TLK1: variants seen among roughly 807,000 people sequenced by gnomAD.
TLK1 encodes serine/threonine-protein kinase tousled-like 1.
A neutral mutation model predicts 105.3 loss-of-function variants in TLK1; 24 were observed. The ratio of observed to expected loss-of-function variants is 0.23; its 90% CI spans 0.17 to 0.32. The LOEUF (loss-of-function observed/expected upper bound fraction) is 0.32. Ranked by LOEUF, TLK1 falls within the 10% of genes least tolerant of loss-of-function variation. TLK1 has a pLI of 1.00. For missense variants in TLK1, 558 were observed against 910.5 expected (o/e 0.61, Z 4.98); for synonymous variants, 321 against 310.4 (o/e 1.03, Z -0.36).
intron 11 of TLK1, among the ~76,000 whole-genome samples, chr2:171,040,575 T>G (rs981448039): frequency 4.7e-5 from 7 of 147,430 alleles, no homozygotes; most frequent in African/African-American, 1.5e-4. Context: ...TTTGTTTTTT[T>G]TTTTTTTTTT....
At chr2:171,039,352 GCCTCCCAGGCTCAAGCGAT>G (rs1313965087) in intron 11 of TLK1, among the ~76,000 whole-genome samples, 1 of 152,110 alleles carries the variant, frequency 6.6e-6, no homozygotes, top group Admixed American at 6.6e-5. Flanking sequence ...TGCAGCCTTG[GCCTCCCAGGCTCAAGCGAT>G]CCTCCCACCT....
chr2:171,131,064 T>A (rs1238814374), intron 1 of TLK1, among the ~76,000 whole-genome samples: 4 of 152,026 alleles, frequency 2.6e-5, no homozygotes, highest in Non-Finnish European at 4.4e-5. Context: ...TACCTATATA[T>A]CTTTGTATCT....
chr2:171,022,088 C>CACACACACACACAGACACACACAG (rs35020865), intron 12 of TLK1, among the ~76,000 whole-genome samples: 20 of 139,200 alleles, frequency 1.4e-4, no homozygotes, highest in Non-Finnish European at 3.1e-4. Flanking sequence ...GGGCGAAAAA[C>CACACACACACACAGACACACACAG]ACACACACAC....
intron 1 of TLK1, among the ~76,000 whole-genome samples, chr2:171,176,806 C>A (rs908957163): frequency 1.3e-5 from 2 of 152,050 alleles, no homozygotes; most frequent in African/African-American, 2.4e-5. Context: ...CTTGCTCACT[C>A]TCTGCTTCAC....
intron 11 of TLK1, chr2:171,045,868 G>T: frequency 4.1e-6 from 1 of 241,994 alleles, no homozygotes. Context: ...GAATGGAAAC[G>T]TTGAATTAGA....
intron 1 of TLK1, among the ~76,000 whole-genome samples, chr2:171,135,672 G>C (rs1691288124): frequency 1.3e-5 from 2 of 151,844 alleles, no homozygotes; most frequent in Admixed American, 1.3e-4. Context: ...AGTGGTGGTG[G>C]GCACCTGTAA....
chr2:171,174,017 A>C (rs1692776438), intron 1 of TLK1, among the ~76,000 whole-genome samples: 1 of 152,130 alleles, frequency 6.6e-6, no homozygotes, highest in Admixed American at 6.6e-5. Context: ...TCATCTGTCC[A>C]TCCATCCGTC....
chr2:171,049,780 T>C (rs909004178), intron 10 of TLK1, 34 bp downstream of exon 10: 7 of 1,609,854 alleles, frequency 4.3e-6, no homozygotes, highest in Non-Finnish European at 5.9e-6. Context: ...CCCAAACGAA[T>C]ACTAAAAACT....
chr2:171,121,989 C>G (rs1382276366), intron 1 of TLK1, among the ~76,000 whole-genome samples: 1 of 152,190 alleles, frequency 6.6e-6, no homozygotes, highest in Admixed American at 6.5e-5. Flanking sequence ...ACTCTGTCAC[C>G]AGGCTGGAGT....
upstream of TLK1, among the ~76,000 whole-genome samples, chr2:171,161,075 G>C (rs1447934805): frequency 6.7e-6 from 1 of 148,334 alleles, no homozygotes; most frequent in African/African-American, 2.4e-5. Flanking sequence ...GCGCGCGAGG[G>C]AAGAGACTAG....
intron 8 of TLK1, among the ~76,000 whole-genome samples, chr2:171,050,643 G>T (rs1687193568): frequency 6.6e-6 from 1 of 152,078 alleles, no homozygotes; most frequent in Non-Finnish European, 1.5e-5. Context: ...TTTCTCCACT[G>T]AACTTATAAA....
chr2:171,167,804 C>T (rs533424367), intron 1 of TLK1, among the ~76,000 whole-genome samples: 4 of 152,076 alleles, frequency 2.6e-5, no homozygotes, highest in Admixed American at 2.0e-4. Flanking sequence ...ATCCCCTCCC[C>T]CAAAGTGCAC....
At position 171,117,861 on chromosome 2, in the gene TLK1, T is replaced by C. The variant is rs756065172; in HGVS notation, c.140-4A>G. The stretch of plus-strand genomic sequence containing the variant: ...CTATGAAGCTCATCCATTGCACCTA[T>C]TAAGAAAAAAAAATATATATGTACA... On this transcript the variant is annotated splice_region_variant and splice_polypyrimidine_tract_variant and intron_variant, in intron 1 of 20. Transcript: ENST00000431350. 3.1e-6 allele frequency: 5 copies of C among 1,594,266 alleles called. No homozygotes were observed. The highest frequency in any genetic ancestry group is 1.4e-5 in the African/African-American group (1 of 73,490).
chr2:171,084,415 T>C (rs1043219677), intron 2 of TLK1, among the ~76,000 whole-genome samples: 11 of 152,056 alleles, frequency 7.2e-5, no homozygotes, highest in African/African-American at 2.7e-4. Context: ...ACTATATAGG[T>C]ACAATTACAA....
intron 3 of TLK1, among the ~76,000 whole-genome samples, chr2:171,066,017 A>G (rs1303680946): frequency 6.6e-6 from 1 of 152,218 alleles, no homozygotes; most frequent in African/African-American, 2.4e-5. Context: ...GCTGCTTTGT[A>G]TCCTATTTAC....
chr2:171,089,279 G>C (rs141645690), intron 2 of TLK1, among the ~76,000 whole-genome samples: 1 of 152,174 alleles, frequency 6.6e-6, no homozygotes. Flanking sequence ...TCATTTCAAC[G>C]TAGTTACATT....
At chr2:171,065,576 C>T (rs1480052409) in intron 3 of TLK1, among the ~76,000 whole-genome samples, 4 of 150,328 alleles carry the variant, frequency 2.7e-5, no homozygotes, top group African/African-American at 4.9e-5. Flanking sequence ...CTCGCTCTGT[C>T]GCCCAGGCTG....
At position 171,064,682 on chromosome 2, in the gene TLK1, A is replaced by G. The variant is rs1250623156; in HGVS notation, c.331-3526T>C. Among the ~76,000 whole-genome samples the G allele has an allele frequency of 2.6e-5, 4 of 152,310 alleles. No homozygotes were observed. The East Asian group carries it at 7.7e-4, about 29-fold the overall frequency. ...GATGAAAAGTATTCAGTAATTATAA[A>G]AGGCCAAAGAGCTCCAATATACAAT... On this transcript the variant is annotated intron_variant, in intron 3 of 20. Coordinates refer to ENST00000431350, the MANE Select transcript of TLK1 (RefSeq NM_012290.5).
intron 2 of TLK1, among the ~76,000 whole-genome samples, chr2:171,116,379 C>G (rs1296716150): frequency 6.6e-6 from 1 of 152,198 alleles, no homozygotes; most frequent in African/African-American, 2.4e-5. Flanking sequence ...TTCTAAGACT[C>G]CCAACAACCT....
Sources: gnomAD v4.1 joint callset for allele counts (sites outside exome capture counted in the v4.1 genomes callset) on GRCh38, gnomAD v4.1.1 for gene constraint, MANE v1.5 for transcripts, NCBI Gene and HGNC (gene_info 2026-07-23, HGNC 2026-07-21) for gene names.